The following KLHL8 variants were observed in gnomAD, a reference collection of about 807,000 sequenced individuals.
KLHL8 encodes the protein kelch-like protein 8.
KLHL8 carries 38 observed loss-of-function variants against 63.5 expected under a neutral mutation model. That is an observed-to-expected ratio of 0.60 (90% CI 0.46 to 0.78). The LOEUF (loss-of-function observed/expected upper bound fraction) is 0.78. Ranked by LOEUF, KLHL8 falls within the 30% of genes least tolerant of loss-of-function variation. The pLI is 0.00. For synonymous variants in KLHL8, 224 were observed against 254.3 expected, an observed-to-expected ratio of 0.88 and a Z score of 1.13; for missense variants, 566 against 752.4, an observed-to-expected ratio of 0.75 and a Z score of 2.90.
At position 87,195,312 on chromosome 4, in the gene KLHL8, AG is replaced by A; in HGVS notation, c.216+11del. On this transcript the variant is annotated intron_variant, in intron 2 of 9. Coordinates refer to ENST00000273963, the MANE Select transcript of KLHL8 (RefSeq NM_020803.5). Reference sequence around the variant, plus strand: ...AAGAGGCCTGAGAAAAGTACAAAAAAGGCAATCTCACCTTGAGTGTGACATC... The same window carrying A: ...AAGAGGCCTGAGAAAAGTACAAAAAAGCAATCTCACCTTGAGTGTGACATC... 6.2e-7 allele frequency: 1 copy of A among 1,606,492 alleles called. No individual in the cohort carries two copies. Among genetic ancestry groups the A allele is most frequent in the South Asian group, 1.1e-5 (1 of 90,612 alleles).
chr4:87,205,167 G>A (rs978984195), intron 1 of KLHL8, among the ~76,000 whole-genome samples: 3 of 152,220 alleles, frequency 2.0e-5, no homozygotes, highest in African/African-American at 7.2e-5. Context: ...AGCACTTTGA[G>A]AGGACAAGCT....
chr4:87,194,842 C>T (rs1168565366), intron 2 of KLHL8, among the ~76,000 whole-genome samples: 1 of 152,134 alleles, frequency 6.6e-6, no homozygotes, highest in Non-Finnish European at 1.5e-5. Context: ...TAAACAATCC[C>T]ACTTAACAGA....
At chr4:87,215,562 C>A (rs560179745) in intron 1 of KLHL8, among the ~76,000 whole-genome samples, 5 of 152,312 alleles carry the variant, frequency 3.3e-5, no homozygotes, top group Admixed American at 3.3e-4. Flanking sequence ...TTTAGCATCA[C>A]TTGATCCACC....
At chr4:87,194,224 T>C (rs539779410) in intron 2 of KLHL8, among the ~76,000 whole-genome samples, 1 of 152,326 alleles carries the variant, frequency 6.6e-6, no homozygotes, top group South Asian at 2.1e-4. Flanking sequence ...AGGCCCATTT[T>C]GTCCTTCTGC....
At chr4:87,233,142 C>G (rs936375561) in intron 1 of KLHL8, among the ~76,000 whole-genome samples, 3 of 151,970 alleles carry the variant, frequency 2.0e-5, no homozygotes, top group Non-Finnish European at 4.4e-5. Flanking sequence ...AGGGTTCAAG[C>G]AATTCTCCTT....
chr4:87,228,106 C>A (rs1389104461), intron 1 of KLHL8, among the ~76,000 whole-genome samples: 1 of 152,152 alleles, frequency 6.6e-6, no homozygotes, highest in Non-Finnish European at 1.5e-5. Flanking sequence ...GAGGGCAACA[C>A]CTCCTGACTC....
In KLHL8 at chr4:87,170,079, C is replaced by T. The variant is rs2149829962; in HGVS notation, c.1537G>A (p.Gly513Ser). 2 of 1,612,356 alleles carry T rather than the reference C, an allele frequency of 1.2e-6. No homozygotes were observed. The highest frequency in any genetic ancestry group is 1.7e-6 in the Non-Finnish European group (2 of 1,178,978). The change falls in exon 8 of 10, where the codon GGT becomes AGT. Residue 513 changes from glycine to serine, a missense_variant and splice_region_variant. Transcript: ENST00000273963. ...SKLHGCLYVV[G>S]GFDDNSPLSS... ...ATTAGAGAAATACCCATTTACTCAC[C>T]AACTACGTATAAGCAACCATGAAGC...
rs900589028 is a variant in KLHL8, at chr4:87,220,516, C to A, written c.-250G>T. On this transcript the variant is annotated 5_prime_UTR_variant, in exon 1 of 10. Coordinates refer to ENST00000273963, the MANE Select transcript of KLHL8 (RefSeq NM_020803.5). ...CGCCCTCAGCGGAACCTCACCAACC[C>A]CGCGCGAGCACCCGGCGGACGCGCG... is the stretch of plus-strand genomic sequence containing the variant. 1 of 152,184 alleles carries A rather than the reference C, an allele frequency of 6.6e-6. No homozygotes were observed. Among genetic ancestry groups the A allele is most frequent in the African/African-American group, 2.4e-5 (1 of 41,428 alleles). 9.4% of individuals were successfully genotyped at this position (152,184 alleles called of 1,614,324 possible).
At position 87,160,121 on chromosome 4, in the gene KLHL8, T is replaced by C. The variant is rs1330713645; in HGVS notation, c.*3398A>G. On this transcript the variant is annotated 3_prime_UTR_variant, in exon 10 of 10. Coordinates refer to ENST00000273963, the MANE Select transcript of KLHL8 (RefSeq NM_020803.5). ...AGAGAAGTTTGTGCTAATAGAAATATGCAATGTATTTTAATTAAATAAATA... is the reference window on the plus strand; with the variant it reads ...AGAGAAGTTTGTGCTAATAGAAATACGCAATGTATTTTAATTAAATAAATA... 1.3e-5 allele frequency: 2 copies of C among 152,202 alleles called. No individual in the cohort carries two copies. The highest frequency in any genetic ancestry group is 4.8e-5 in the African/African-American group (2 of 41,462). 9.4% of individuals were successfully genotyped at this position (152,202 alleles called of 1,614,324 possible).
intron 8 of KLHL8, 32 bp from the exon 9 acceptor site, chr4:87,164,111 A>C: frequency 1.3e-6 from 2 of 1,542,042 alleles, no homozygotes; most frequent in Non-Finnish European, 1.8e-6. Context: ...AAACAGCATT[A>C]CATTCCTTAG....
intron 1 of KLHL8, among the ~76,000 whole-genome samples, chr4:87,211,314 G>A (rs1365035053): frequency 6.6e-5 from 10 of 151,870 alleles, no homozygotes; most frequent in Admixed American, 1.3e-4. Context: ...TTTTAAGTCA[G>A]GAAAAAAGTA....
At chr4:87,236,210 C>CTTTT (rs35028616) in intron 1 of KLHL8, among the ~76,000 whole-genome samples, 1 of 135,842 alleles carries the variant, frequency 7.4e-6, no homozygotes. Flanking sequence ...TTTCCTTTTC[C>CTTTT]TTTTTTTTTT....
At chr4:87,229,269 TA>T (rs1733090366) in intron 1 of KLHL8, among the ~76,000 whole-genome samples, 2 of 152,052 alleles carry the variant, frequency 1.3e-5, no homozygotes, top group African/African-American at 4.8e-5. Context: ...AACTGTTGAA[TA>T]GAAAACAGAT....
chr4:87,221,931 C>T (rs1290406389), upstream of KLHL8, among the ~76,000 whole-genome samples: 2 of 151,970 alleles, frequency 1.3e-5, no homozygotes, highest in African/African-American at 2.4e-5. Flanking sequence ...GTGTCTGGAA[C>T]GTGATGTAAA....
intron 1 of KLHL8, chr4:87,207,169 G>A: frequency 1.8e-6 from 1 of 567,702 alleles, no homozygotes; most frequent in South Asian, 1.5e-5. Flanking sequence ...CTGGAAAAGT[G>A]GATATTGTCG....
intron 8 of KLHL8, chr4:87,167,851 A>AT: frequency 5.3e-6 from 1 of 187,040 alleles, no homozygotes; most frequent in South Asian, 1.2e-4. Flanking sequence ...AATACTCTGC[A>AT]TAAGGGGTAA....
At chr4:87,174,170 T>C (rs1373334422) in intron 6 of KLHL8, among the ~76,000 whole-genome samples, 1 of 152,168 alleles carries the variant, frequency 6.6e-6, no homozygotes, top group African/African-American at 2.4e-5. Flanking sequence ...TAGTTCAGGT[T>C]TGTTTCTTTT....
chr4:87,227,020 ATATAT>A (rs1368395753), intron 1 of KLHL8, among the ~76,000 whole-genome samples: 1 of 111,884 alleles, frequency 8.9e-6, no homozygotes, highest in South Asian at 2.3e-4. Context: ...TATAAATAAT[ATATAT>A]TATATTTCCT....
chr4:87,210,264 G>A (rs1035544076), intron 1 of KLHL8, among the ~76,000 whole-genome samples: 18 of 152,200 alleles, frequency 1.2e-4, no homozygotes, highest in East Asian at 1.9e-4. Context: ...GGCGGATCAC[G>A]AGGTCAGGAG....
Sources: gnomAD v4.1 joint callset for allele counts (sites outside exome capture counted in the v4.1 genomes callset) on GRCh38, gnomAD v4.1.1 for gene constraint, MANE v1.5 for transcripts, NCBI Gene and HGNC (gene_info 2026-07-23, HGNC 2026-07-21) for gene names.